The following ZNF805 variants were observed in gnomAD, a reference collection of about 807,000 sequenced individuals.
ZNF805 encodes the protein CTC-444N24.8.
Under a neutral mutation model 13.6 loss-of-function variants are expected in ZNF805, and 7 were observed. The observed-to-expected ratio is 0.51, with a 90% CI of 0.29 to 0.97. The LOEUF is 0.97. Ranked by LOEUF, ZNF805 falls within the 50% of genes least tolerant of loss-of-function variation. The probability of loss-of-function intolerance (pLI) is 0.08; values close to 1 mark genes in which losing one functional copy is unlikely to be tolerated. For missense variants in ZNF805, 604 were observed against 771.0 expected (o/e 0.78, Z 2.57); for synonymous variants, 293 against 279.8 (o/e 1.05, Z -0.47).
At position 57,253,584 on chromosome 19, in the gene ZNF805, G is replaced by A. The variant is rs1472758796; in HGVS notation, c.765G>A (p.Gly255=). ...TGCAGCACCACATGGTCCACACTGG[G>A]GAGAAGCCCTATAAGTGCATGGAGT... ...YLLQHHMVHT[G]EKPYKCMECG... is the part of the protein sequence containing the mutation. Residue 255 remains glycine (G), a synonymous_variant, in exon 4 of 4, where the codon GGG becomes GGA. Transcript: ENST00000414468. The surrounding 1 kb of genome is among the most constrained non-coding windows in gnomAD (Gnocchi z 4.4). 1 of 1,614,016 alleles carries A rather than the reference G, an allele frequency of 6.2e-7. No homozygotes were observed. The highest frequency in any genetic ancestry group is 2.2e-5 in the East Asian group (1 of 44,874).
In ZNF805 at chr19:57,261,789, C is replaced by T. The variant is rs543991025; in HGVS notation, c.*7086C>T. 5 of 167,154 alleles carry T rather than the reference C, an allele frequency of 3.0e-5. No homozygotes were observed. The highest frequency in any genetic ancestry group is 1.2e-4 in the African/African-American group (5 of 41,564). The allele number at this position is 167,154 out of a possible 1,614,324, so 10.4% of individuals were successfully genotyped here. A position where few individuals can be genotyped will look rare whatever the true frequency, so the allele number is the denominator to read the frequency against. On this transcript the variant is annotated 3_prime_UTR_variant, in exon 4 of 4. Transcript: ENST00000414468. The stretch of plus-strand genomic sequence containing the variant: ...AGACTCACAGGACTCAGCATTTTGT[C>T]ATACTCAATGGCTATGATTTACCAC...
Position 57,244,055 on chromosome 19 carries a change from G to T in ZNF805, c.157+6G>T. On this transcript the variant is annotated splice_donor_region_variant and intron_variant, in intron 2 of 3. Coordinates refer to ENST00000414468, the MANE Select transcript of ZNF805 (RefSeq NM_001023563.4). ...TGGGCTCCTGGTATCTCTGGGTAAG[G>T]CCTTCCCCCTCCACCATGCAGGGGA... 1 of 1,613,002 alleles carries T rather than the reference G, an allele frequency of 6.2e-7. No individual in the cohort carries two copies. The highest frequency in any genetic ancestry group is 1.3e-5 in the African/African-American group (1 of 75,030).
Position 57,253,469 on chromosome 19 carries a change from T to C in ZNF805, c.650T>C (p.Leu217Pro). Residue 217 changes from leucine (L) to proline (P), a missense_variant, in exon 4 of 4, where the codon CTG becomes CCG. Transcript: ENST00000414468. The surrounding 1 kb of genome is among the most constrained non-coding windows in gnomAD (Gnocchi z 4.4). ...GAAAAAGTGTTTAACAAGAAACGCC[T>C]GCTTGCTCGGCATGAGAGGATTCAC... ...ECEKVFNKKR[L>P]LARHERIHSG... 1 of 1,596,268 alleles carries C rather than the reference T, an allele frequency of 6.3e-7. No individual in the cohort carries two copies. Among genetic ancestry groups the C allele is most frequent in the Non-Finnish European group, 8.5e-7 (1 of 1,170,610 alleles).
chr19:57,252,143 C>T (rs1332542923), intron 3 of ZNF805, among the ~76,000 whole-genome samples: 3 of 152,218 alleles, frequency 2.0e-5, no homozygotes, highest in Non-Finnish European at 4.4e-5. Flanking sequence ...CATATTCTTT[C>T]TCCTAAGGCT....
At chr19:57,243,899 T>C (rs2087594801) in intron 1 of ZNF805, 24 bp from the exon 2 acceptor site, 3 of 1,614,166 alleles carry the variant, frequency 1.9e-6, no homozygotes, top group African/African-American at 1.3e-5. Context: ...CAGCAAACTC[T>C]ACTACCTCTA....
rs1038793685 is a variant in ZNF805 at position 57,256,061 on chromosome 19, G to A, written c.*1358G>A. 3.9e-5 allele frequency among the ~76,000 whole-genome samples: 6 copies of A among 152,012 alleles called. No homozygotes were observed. Among genetic ancestry groups the A allele is most frequent in the Admixed American group, 6.6e-5 (1 of 15,256 alleles). ...TAATAAGTGTTGAATTTTGTCATATGCTTTTTCTCCACCAATTGATTTAAT... is the reference window on the plus strand; with the variant it reads ...TAATAAGTGTTGAATTTTGTCATATACTTTTTCTCCACCAATTGATTTAAT... On this transcript the variant is annotated 3_prime_UTR_variant, in exon 4 of 4. Transcript: ENST00000414468.
At chr19:57,248,233 A>G (rs1171019964) in intron 2 of ZNF805, among the ~76,000 whole-genome samples, 1 of 151,966 alleles carries the variant, frequency 6.6e-6, no homozygotes, top group Admixed American at 6.6e-5. Flanking sequence ...AAAGACTTAG[A>G]TAAGTGAAGA....
At position 57,259,405 on chromosome 19, in the gene ZNF805, C is replaced by G. The variant is rs898426107; in HGVS notation, c.*4702C>G. 6.6e-6 allele frequency among the ~76,000 whole-genome samples: 1 copy of G among 151,604 alleles called. No individual in the cohort carries two copies. The highest frequency in any genetic ancestry group is 2.1e-4 in the South Asian group (1 of 4,784). ...TTGACTTTTTTTCAGCTCACTGATT[C>G]TTTTTTTCTGCCATATGCAGTCTAC... On this transcript the variant is annotated 3_prime_UTR_variant, in exon 4 of 4. Coordinates refer to ENST00000414468, the MANE Select transcript of ZNF805 (RefSeq NM_001023563.4).
chr19:57,247,601 G>C (rs866136513), intron 2 of ZNF805, among the ~76,000 whole-genome samples: 30 of 152,200 alleles, frequency 2.0e-4, no homozygotes, highest in African/African-American at 6.8e-4. Flanking sequence ...GCACCTGGGA[G>C]ACCAGGCTGC....
In ZNF805 at chr19:57,261,931, A is replaced by AT. The variant is rs1319177532; in HGVS notation, c.*7229dup. On this transcript the variant is annotated 3_prime_UTR_variant, in exon 4 of 4. Transcript: ENST00000414468. ...ACAGGATGTGCTTCATTGAAGCTCCATCTGGGACTTAAAACAACACACGTG... is the reference window on the plus strand; with the variant it reads ...ACAGGATGTGCTTCATTGAAGCTCCATTCTGGGACTTAAAACAACACACGTG... The AT allele has an allele frequency of 6.0e-6, 1 of 166,958 alleles. No individual in the cohort carries two copies. Among genetic ancestry groups the AT allele is most frequent in the Non-Finnish European group, 1.5e-5 (1 of 68,124 alleles). 10.3% of individuals were successfully genotyped at this position (166,958 alleles called of 1,614,324 possible).
intron 2 of ZNF805, 125 bp from the exon 3 acceptor site, chr19:57,248,480 G>C: frequency 1.2e-6 from 1 of 844,652 alleles, no homozygotes; most frequent in Non-Finnish European, 1.9e-6. Context: ...CTAACTTTTT[G>C]TTCCCATGGA....
chr19:57,261,795 C>T lies in ZNF805; in HGVS notation c.*7092C>T, dbSNP rs914161101. On this transcript the variant is annotated 3_prime_UTR_variant, in exon 4 of 4. Transcript: ENST00000414468. ...ACAGGACTCAGCATTTTGTCATACT[C>T]AATGGCTATGATTTACCACACCGAA... is the stretch of plus-strand genomic sequence containing the variant. The T allele has an allele frequency of 6.0e-6, 1 of 167,024 alleles. No individual in the cohort carries two copies. The highest frequency in any genetic ancestry group is 2.4e-5 in the African/African-American group (1 of 41,432). 10.3% of individuals were successfully genotyped at this position (167,024 alleles called of 1,614,324 possible).
chr19:57,245,778 C>CAAA (rs772154420), intron 2 of ZNF805, among the ~76,000 whole-genome samples: 1 of 123,756 alleles, frequency 8.1e-6, no homozygotes, highest in Non-Finnish European at 1.7e-5. Flanking sequence ...GACTCCATCT[C>CAAA]AAAAAAAAAA....
chr19:57,245,623 C>CAAA, intron 2 of ZNF805, among the ~76,000 whole-genome samples: 1 of 149,316 alleles, frequency 6.7e-6, no homozygotes, highest in African/African-American at 2.5e-5. Context: ...ACTAAAAATA[C>CAAA]AAAAAATTAG....
intron 2 of ZNF805, among the ~76,000 whole-genome samples, chr19:57,245,804 A>G (rs1405308343): frequency 6.6e-6 from 1 of 152,064 alleles, no homozygotes; most frequent in Non-Finnish European, 1.5e-5. Flanking sequence ...CTAAGATGAT[A>G]ACATTGACAG....
chr19:57,253,813 C>G lies in ZNF805; in HGVS notation c.994C>G (p.Arg332Gly). The G allele has an allele frequency of 3.7e-6, 6 of 1,613,880 alleles. No individual in the cohort carries two copies. The highest frequency in any genetic ancestry group is 5.1e-6 in the Non-Finnish European group (6 of 1,179,966). Residue 332 changes from arginine to glycine, a missense_variant, in exon 4 of 4, where the codon CGA (arginine) becomes GGA (glycine). Transcript: ENST00000414468. The surrounding 1 kb of genome is among the most constrained non-coding windows in gnomAD (Gnocchi z 4.4). ...KAFRDRPGFI[R>G]HYIIHSGENP... ...CTTTCGAGATAGGCCAGGTTTCATT[C>G]GACACTACATCATCCACAGTGGTGA...
At chr19:57,247,476 T>G (rs1013111340) in intron 2 of ZNF805, among the ~76,000 whole-genome samples, 28 of 152,192 alleles carry the variant, frequency 1.8e-4, no homozygotes, top group African/African-American at 6.0e-4. Flanking sequence ...CTTGGGCAAG[T>G]TACTGAACTT....
At position 57,258,666 on chromosome 19, in the gene ZNF805, G is replaced by A. The variant is rs986891802; in HGVS notation, c.*3963G>A. ...TTGCCTGTTAATATAATTGTCTAAA[G>A]TAATTCCTCTTCAAAATTGAGCACC... On this transcript the variant is annotated 3_prime_UTR_variant, in exon 4 of 4. Coordinates refer to ENST00000414468, the MANE Select transcript of ZNF805 (RefSeq NM_001023563.4). 1.3e-5 allele frequency among the ~76,000 whole-genome samples: 2 copies of A among 151,960 alleles called. No individual in the cohort carries two copies. The highest frequency in any genetic ancestry group is 6.5e-5 in the Admixed American group (1 of 15,268).
chr19:57,241,769 C>A (rs946176436), intron 1 of ZNF805, among the ~76,000 whole-genome samples: 2 of 152,250 alleles, frequency 1.3e-5, no homozygotes, highest in African/African-American at 2.4e-5. Flanking sequence ...CTTTACAGTT[C>A]ATTCAGCCTC....
Sources: allele counts gnomAD v4.1 joint callset (sites outside exome capture counted in the v4.1 genomes callset), GRCh38; gene constraint gnomAD v4.1.1; non-coding constraint Gnocchi (gnomAD v3.1); transcripts MANE v1.5; gene names NCBI Gene and HGNC (gene_info 2026-07-23, HGNC 2026-07-21).